CDK6: variants seen among roughly 807,000 people sequenced by gnomAD.
The protein encoded by CDK6 is cyclin dependent kinase 6, also known as cyclin-dependent kinase 6.
In CDK6, 6 loss-of-function variants were observed where a neutral mutation model predicts 37.1. The observed-to-expected ratio is 0.16, with a 90% CI of 0.09 to 0.32. The LOEUF (loss-of-function observed/expected upper bound fraction) is 0.32, where lower values mean the gene tolerates loss of function less well. Ranked by LOEUF, CDK6 falls within the 10% of genes least tolerant of loss-of-function variation. CDK6 has a pLI of 1.00. For missense variants in CDK6, 224 were observed against 418.9 expected (o/e 0.53, Z 4.06); for synonymous variants, 160 against 161.3 (o/e 0.99, Z 0.06).
intron 2 of CDK6, among the ~76,000 whole-genome samples, chr7:92,788,763 G>C (rs894111365): frequency 6.6e-6 from 1 of 152,170 alleles, no homozygotes; most frequent in Non-Finnish European, 1.5e-5. Context: ...GCAATAAGAT[G>C]AACAACTACT....
chr7:92,828,401 A>AT (rs1801386933), intron 2 of CDK6, among the ~76,000 whole-genome samples: 1 of 152,164 alleles, frequency 6.6e-6, no homozygotes, highest in Non-Finnish European at 1.5e-5. Context: ...ACAAACAAAA[A>AT]TTGCTACTTA....
chr7:92,708,822 T>C (rs940438799), intron 4 of CDK6, among the ~76,000 whole-genome samples: 3 of 152,138 alleles, frequency 2.0e-5, no homozygotes, highest in Admixed American at 6.5e-5. Context: ...TGAATGAAAA[T>C]GTTAATCATA....
intron 2 of CDK6, among the ~76,000 whole-genome samples, chr7:92,814,671 C>T (rs117796712): frequency 0.044 from 6,580 of 150,934 alleles, 194 homozygotes; most frequent in South Asian, 0.088. Flanking sequence ...TCCATTCTTT[C>T]TCAGTAAAAG....
intron 3 of CDK6, among the ~76,000 whole-genome samples, chr7:92,732,356 G>A (rs1798670413): frequency 6.6e-6 from 1 of 152,216 alleles, no homozygotes; most frequent in African/African-American, 2.4e-5. Flanking sequence ...GGTTGAGGCT[G>A]CAGTGAGCCG....
rs200195012 is a variant in CDK6 at position 92,627,888 on chromosome 7, T to C, written c.648-4802A>G. Among the ~76,000 whole-genome samples, 11 of 151,958 alleles carry C rather than the reference T, an allele frequency of 7.2e-5. No homozygotes were observed. The East Asian group carries it at 1.2e-3, about 16-fold the overall frequency. On this transcript the variant is annotated intron_variant, in intron 5 of 7. Transcript: ENST00000424848. ...GGATTCAGGAGGAGGGTAAAAAAACTGCTAAATATTTGGAAACCATCCACA... is the reference window on the plus strand; with the variant it reads ...GGATTCAGGAGGAGGGTAAAAAAACCGCTAAATATTTGGAAACCATCCACA...
intron 3 of CDK6, among the ~76,000 whole-genome samples, chr7:92,760,670 TA>T (rs1799431916): frequency 4.6e-5 from 7 of 152,148 alleles, no homozygotes; most frequent in African/African-American, 1.7e-4. Context: ...TTGTAAACAA[TA>T]AATTATAAGG....
chr7:92,804,302 C>T (rs111784383), intron 2 of CDK6, among the ~76,000 whole-genome samples: 1 of 152,268 alleles, frequency 6.6e-6, no homozygotes, highest in African/African-American at 2.4e-5. Flanking sequence ...CCCTGATTCC[C>T]TAGCAGGGTC....
chr7:92,781,082 T>C (rs1799979033), intron 2 of CDK6, among the ~76,000 whole-genome samples: 1 of 152,222 alleles, frequency 6.6e-6, no homozygotes, highest in Admixed American at 6.5e-5. Flanking sequence ...TAGCATAATG[T>C]GATCCAAGTG....
chr7:92,671,065 G>A (rs929721312), intron 5 of CDK6, among the ~76,000 whole-genome samples: 1 of 151,976 alleles, frequency 6.6e-6, no homozygotes, highest in African/African-American at 2.4e-5. Context: ...ACACTTAACA[G>A]CCTTGGTTCT....
chr7:92,816,890 A>G (rs1258791095), intron 2 of CDK6, among the ~76,000 whole-genome samples: 1 of 152,002 alleles, frequency 6.6e-6, no homozygotes, highest in Non-Finnish European at 1.5e-5. Context: ...CATATTCTAC[A>G]GACATTAAAA....
chr7:92,650,011 T>C (rs1796536904), intron 5 of CDK6, among the ~76,000 whole-genome samples: 1 of 152,216 alleles, frequency 6.6e-6, no homozygotes, highest in South Asian at 2.1e-4. Context: ...TAGGACAGCA[T>C]GTACCATTGC....
Position 92,833,723 on chromosome 7 carries a change from T to G in CDK6, c.-367-33A>C, listed in dbSNP as rs1235807132. 2.3e-6 allele frequency: 1 copy of G among 431,648 alleles called. No homozygotes were observed. The allele number at this position is 431,648 out of a possible 1,614,324, so 26.7% of individuals were successfully genotyped here. ...AGGAGACGGGAGGATAAGAAGAAAG[T>G]GCAATCAGACAGCCCAGAAGCCTTC... On this transcript the variant is annotated intron_variant, in intron 1 of 7. Coordinates refer to ENST00000424848, the MANE Select transcript of CDK6 (RefSeq NM_001145306.2). This position sits in a 1 kb window ranked among gnomAD's most constrained non-coding sequence, Gnocchi z 6.1.
At chr7:92,774,104 T>C (rs1584075352) in intron 3 of CDK6, among the ~76,000 whole-genome samples, 1 of 152,340 alleles carries the variant, frequency 6.6e-6, no homozygotes, top group East Asian at 1.9e-4. Context: ...TCTAGTTTAC[T>C]GACCTCTAAG....
At chr7:92,735,842 C>T (rs897809858) in intron 3 of CDK6, among the ~76,000 whole-genome samples, 1 of 152,112 alleles carries the variant, frequency 6.6e-6, no homozygotes, top group African/African-American at 2.4e-5. Flanking sequence ...AGCAAAAAAG[C>T]CATAATCCTG....
In CDK6 at chr7:92,767,919, C is replaced by T. The variant is rs146657506; in HGVS notation, c.369+6777G>A. On this transcript the variant is annotated intron_variant, in intron 3 of 7. Transcript: ENST00000424848. ...CTGTTTTTTAAAAAAAACAGAATGT[C>T]TCTAAACACCATAGTTAATATACTA... 4.5e-3 allele frequency among the ~76,000 whole-genome samples: 692 copies of T among 152,116 alleles called. 5 individuals are homozygous for T. Among genetic ancestry groups the T allele is most frequent in the African/African-American group, 0.016 (665 of 41,478 alleles).
chr7:92,638,807 A>T (rs933116224), intron 5 of CDK6, among the ~76,000 whole-genome samples: 2 of 152,220 alleles, frequency 1.3e-5, no homozygotes, highest in African/African-American at 4.8e-5. Flanking sequence ...GATGCCAATG[A>T]TATGCTGAAA....
intron 5 of CDK6, among the ~76,000 whole-genome samples, chr7:92,636,642 A>T (rs1453333760): frequency 6.6e-6 from 1 of 152,174 alleles, no homozygotes; most frequent in Non-Finnish European, 1.5e-5. Context: ...TTTTGGTAAA[A>T]ATATATGTTA....
intron 2 of CDK6, among the ~76,000 whole-genome samples, chr7:92,819,407 A>G (rs1324819882): frequency 1.3e-5 from 2 of 152,100 alleles, no homozygotes; most frequent in Non-Finnish European, 2.9e-5. Flanking sequence ...TTCACTGCAA[A>G]GGGCCCTGTG....
intron 3 of CDK6, among the ~76,000 whole-genome samples, chr7:92,761,795 C>A (rs1433176374): frequency 6.6e-6 from 1 of 152,200 alleles, no homozygotes; most frequent in African/African-American, 2.4e-5. Context: ...AGTCCTTTCT[C>A]TTCATGTGTG....
Sources: allele counts gnomAD v4.1 joint callset (sites outside exome capture counted in the v4.1 genomes callset), GRCh38; gene constraint gnomAD v4.1.1; non-coding constraint Gnocchi (gnomAD v3.1); transcripts MANE v1.5; gene names NCBI Gene and HGNC (gene_info 2026-07-23, HGNC 2026-07-21).